Variants in PSMF1 observed in about 807,000 individuals in gnomAD.
PSMF1 encodes proteasome inhibitor PI31 subunit.
In PSMF1, 30 loss-of-function variants were observed where a neutral mutation model predicts 29.3. The observed-to-expected ratio is 1.02, with a 90% confidence interval of 0.77 to 1.39. The LOEUF (loss-of-function observed/expected upper bound fraction) is 1.39. PSMF1 is among the 40% of genes most tolerant of loss of function. The probability of loss-of-function intolerance (pLI) is 0.00; values close to 1 mark genes in which losing one functional copy is unlikely to be tolerated. For missense variants in PSMF1, 344 were observed against 357.5 expected (o/e 0.96, Z 0.31); for synonymous variants, 134 against 139.7 (o/e 0.96, Z 0.29).
chr20:1,138,763 T>G (rs1480551053), intron 4 of PSMF1, among the ~76,000 whole-genome samples: 1 of 151,818 alleles, frequency 6.6e-6, no homozygotes, highest in Non-Finnish European at 1.5e-5. Flanking sequence ...AGGTCAAGGC[T>G]GCAGTGAGCT....
intron 1 of PSMF1, among the ~76,000 whole-genome samples, chr20:1,123,459 T>C (rs1022223164): frequency 2.0e-5 from 3 of 152,230 alleles, no homozygotes; most frequent in African/African-American, 7.2e-5. Flanking sequence ...AGCATTTTTT[T>C]GTGCTTTTTA....
At chr20:1,140,650 C>A (rs2086369611) in intron 4 of PSMF1, among the ~76,000 whole-genome samples, 1 of 152,104 alleles carries the variant, frequency 6.6e-6, no homozygotes, top group African/African-American at 2.4e-5. Context: ...AGGATAGTAT[C>A]AAGAAACTGA....
chr20:1,168,438 C>T lies in PSMF1; in HGVS notation c.*3358C>T, dbSNP rs2086756605. The stretch of plus-strand genomic sequence containing the variant: ...CATTTCTATGATGTACCAGCAGCCC[C>T]CACATCACACCTCCTCTTCCTTGGC... On this transcript the variant is annotated 3_prime_UTR_variant, in exon 7 of 7. Coordinates refer to ENST00000335877, the MANE Select transcript of PSMF1 (RefSeq NM_006814.5). 1 of 152,230 alleles carries T rather than the reference C, an allele frequency of 6.6e-6. No individual in the cohort carries two copies. 9.4% of individuals were successfully genotyped at this position (152,230 alleles called of 1,614,324 possible). A position where few individuals can be genotyped will look rare whatever the true frequency, so the allele number is the denominator to read the frequency against.
intron 4 of PSMF1, among the ~76,000 whole-genome samples, chr20:1,144,033 A>G (rs1349745684): frequency 6.6e-6 from 1 of 152,224 alleles, no homozygotes; most frequent in Non-Finnish European, 1.5e-5. Flanking sequence ...GGTTGCAGTG[A>G]GCCGAGATGG....
intron 4 of PSMF1, among the ~76,000 whole-genome samples, chr20:1,140,584 G>A (rs1304843015): frequency 6.6e-6 from 1 of 152,140 alleles, no homozygotes; most frequent in East Asian, 1.9e-4. Flanking sequence ...AGCACAAGCA[G>A]CGAGAAAAAA....
At chr20:1,153,409 C>T (rs959973663) in intron 4 of PSMF1, among the ~76,000 whole-genome samples, 29 of 152,080 alleles carry the variant, frequency 1.9e-4, no homozygotes, top group African/African-American at 5.8e-4. Context: ...CATGTGTCTG[C>T]CACCTCTTCA....
Position 1,163,938 on chromosome 20 carries a change from T to TAGC in PSMF1, c.606-378_606-376dup, listed in dbSNP as rs2122615926. On this transcript the variant is annotated intron_variant, in intron 5 of 6. Coordinates refer to ENST00000335877, the MANE Select transcript of PSMF1 (RefSeq NM_006814.5). The surrounding 1 kb of genome is among the most constrained non-coding windows in gnomAD (Gnocchi z 6.1). ...CTATAATTAGTCCTTAAACCTAAAG[T>TAGC]AGCACCCTGCAGAACCTTGTGAGTG... 6.6e-6 allele frequency among the ~76,000 whole-genome samples: 1 copy of TAGC among 152,330 alleles called. No individual in the cohort carries two copies. Among genetic ancestry groups the TAGC allele is most frequent in the Non-Finnish European group, 1.5e-5 (1 of 68,014 alleles).
In PSMF1 at chr20:1,166,003, A is replaced by G. The variant is rs762435771; in HGVS notation, c.*923A>G. Reference sequence around the variant, plus strand: ...TCTCATTCTGTGTTTGGTAACCCCTATAAACTGGGGCAGAGGAAAAGAATG... The same window carrying G: ...TCTCATTCTGTGTTTGGTAACCCCTGTAAACTGGGGCAGAGGAAAAGAATG... On this transcript the variant is annotated 3_prime_UTR_variant, in exon 7 of 7. Coordinates refer to ENST00000335877, the MANE Select transcript of PSMF1 (RefSeq NM_006814.5). 9.8e-5 allele frequency: 139 copies of G among 1,422,694 alleles called. No homozygotes were observed. Among genetic ancestry groups the G allele is most frequent in the African/African-American group, 5.8e-5 (4 of 69,518 alleles). The allele number at this position is 1,422,694 out of a possible 1,614,324, so 88.1% of individuals were successfully genotyped here.
In PSMF1 at chr20:1,127,309, T is replaced by C. The variant is rs779190566; in HGVS notation, c.283-117T>C. ...TTCATATAAACAGTCCTTATATATG[T>C]CTCTGTGGACATATGTGAATATTTC... On this transcript the variant is annotated intron_variant, in intron 2 of 6. Coordinates refer to ENST00000335877, the MANE Select transcript of PSMF1 (RefSeq NM_006814.5). 10 of 834,466 alleles carry C rather than the reference T, an allele frequency of 1.2e-5. No individual in the cohort carries two copies. The South Asian group carries it at 1.3e-4, about 11-fold the overall frequency. 51.7% of individuals were successfully genotyped at this position (834,466 alleles called of 1,614,324 possible). A position where few individuals can be genotyped will look rare whatever the true frequency, so the allele number is the denominator to read the frequency against.
chr20:1,124,516 TAAATTAAAA>T (rs1400393247), intron 1 of PSMF1, among the ~76,000 whole-genome samples: 1 of 151,344 alleles, frequency 6.6e-6, no homozygotes, highest in Non-Finnish European at 1.5e-5. Context: ...CTTTATCTTA[TAAATTAAAA>T]GCTTTTCCTC....
intron 3 of PSMF1, 47 bp from the exon 4 acceptor site, chr20:1,135,074 G>A (rs2086286003): frequency 1.3e-6 from 2 of 1,599,936 alleles, no homozygotes; most frequent in African/African-American, 1.3e-5. Flanking sequence ...CACTTCCAGG[G>A]TTCCTAGCCA....
At chr20:1,152,272 C>T (rs946210927) in intron 4 of PSMF1, among the ~76,000 whole-genome samples, 2 of 152,176 alleles carry the variant, frequency 1.3e-5, no homozygotes, top group African/African-American at 4.8e-5. Flanking sequence ...AAAACTGAGG[C>T]AGCAAGAGCT....
chr20:1,145,804 A>T (rs2086442392), intron 4 of PSMF1, among the ~76,000 whole-genome samples: 1 of 152,156 alleles, frequency 6.6e-6, no homozygotes, highest in East Asian at 1.9e-4. Flanking sequence ...CCAGCCAAGC[A>T]CTGGACTGCT....
intron 2 of PSMF1, among the ~76,000 whole-genome samples, chr20:1,126,250 C>A (rs979907236): frequency 1.3e-5 from 2 of 152,168 alleles, no homozygotes; most frequent in African/African-American, 4.8e-5. Context: ...TTTATTCTGC[C>A]ATGGGACTAT....
intron 3 of PSMF1, among the ~76,000 whole-genome samples, chr20:1,128,604 C>T (rs2086190232): frequency 6.6e-6 from 1 of 152,108 alleles, no homozygotes; most frequent in Non-Finnish European, 1.5e-5. Flanking sequence ...TAGATTAGTG[C>T]TTGTTTTTAA....
Position 1,171,113 on chromosome 20 carries a change from T to C in PSMF1, c.*6033T>C, listed in dbSNP as rs1392338269. Among the ~76,000 whole-genome samples, 1 of 152,050 alleles carries C rather than the reference T, an allele frequency of 6.6e-6. No homozygotes were observed. The highest frequency in any genetic ancestry group is 2.4e-5 in the African/African-American group (1 of 41,394). ...CTGGGAAACCACGTCAGGACTTGTG[T>C]GAGAAAGGAGTGATGCTTCATAATC... On this transcript the variant is annotated 3_prime_UTR_variant, in exon 7 of 7. Transcript: ENST00000335877.
intron 4 of PSMF1, chr20:1,160,712 G>A: frequency 2.1e-6 from 1 of 483,292 alleles, no homozygotes. Flanking sequence ...ACCAGGGCAT[G>A]ATGGTGGGGA....
chr20:1,163,070 A>G lies in PSMF1; in HGVS notation c.552-60A>G, dbSNP rs2086686223. ...TGCCTGTGAGTGTGTTTGTGATCCC[A>G]CATGTATCAGGTGCCTGGCTGCTCT... On this transcript the variant is annotated intron_variant, in intron 4 of 6. Coordinates refer to ENST00000335877, the MANE Select transcript of PSMF1 (RefSeq NM_006814.5). The surrounding 1 kb of genome is among the most constrained non-coding windows in gnomAD (Gnocchi z 6.1). 3.2e-6 allele frequency: 5 copies of G among 1,579,638 alleles called. No homozygotes were observed. The highest frequency in any genetic ancestry group is 4.3e-6 in the Non-Finnish European group (5 of 1,151,170).
chr20:1,127,512 C>A lies in PSMF1; in HGVS notation c.365+4C>A. The A allele has an allele frequency of 1.3e-5, 20 of 1,573,934 alleles. No individual in the cohort carries two copies. Among genetic ancestry groups the A allele is most frequent in the Non-Finnish European group, 1.7e-5 (20 of 1,143,394 alleles). ...AACACCTGGGTGACTTCCACAGGTACTTCTAAATGATGTCTCTTCCCTGGG... is the reference window on the plus strand; with the variant it reads ...AACACCTGGGTGACTTCCACAGGTAATTCTAAATGATGTCTCTTCCCTGGG... On this transcript the variant is annotated splice_donor_region_variant and intron_variant, in intron 3 of 6. Transcript: ENST00000335877.
Sources: gnomAD v4.1 joint callset for allele counts (sites outside exome capture counted in the v4.1 genomes callset) on GRCh38, gnomAD v4.1.1 for gene constraint, Gnocchi (gnomAD v3.1) non-coding constraint, MANE v1.5 for transcripts, NCBI Gene and HGNC (gene_info 2026-07-23, HGNC 2026-07-21) for gene names.